Variants in LGR5 observed in about 807,000 individuals in gnomAD.
The protein encoded by LGR5 is leucine rich repeat containing G protein-coupled receptor 5.
LGR5 carries 54 observed loss-of-function variants against 76.7 expected under a neutral mutation model. The ratio of observed to expected loss-of-function variants is 0.70; its 90% CI spans 0.57 to 0.88. LGR5 has a LOEUF of 0.88. Ranked by LOEUF, LGR5 falls within the 40% of genes least tolerant of loss-of-function variation. The pLI is 0.00. For synonymous variants in LGR5, 406 were observed against 421.9 expected (o/e 0.96, Z 0.46); for missense variants, 1,078 against 1,073.3 (o/e 1.00, Z -0.06).
At chr12:71,505,461 C>T (rs1874806355) in intron 2 of LGR5, among the ~76,000 whole-genome samples, 2 of 152,162 alleles carry the variant, frequency 1.3e-5, no homozygotes, top group South Asian at 4.1e-4. Context: ...ACGTTTGGCA[C>T]CATCAGTTGA....
chr12:71,584,313 TTGCCCTG>T lies in LGR5; in HGVS notation c.2305_2311del (p.Ala769CysfsTer8). The T allele has an allele frequency of 4.3e-6, 7 of 1,614,200 alleles. No individual in the cohort carries two copies. The highest frequency in any genetic ancestry group is 5.9e-6 in the Non-Finnish European group (7 of 1,180,022). ...TGGGACTGCTCTATGGTAAAACACA[TTGCCCTG>T]TTGCTCTTCACCAACTGCATCCTAA... On this transcript the variant is annotated frameshift_variant, in exon 18 of 18. Transcript: ENST00000266674. LOFTEE classifies it high-confidence loss of function.
At chr12:71,578,019 A>C (rs1344185568) in intron 14 of LGR5, 23 bp downstream of exon 14, 3 of 1,541,968 alleles carry the variant, frequency 1.9e-6, no homozygotes, top group Non-Finnish European at 2.7e-6. Flanking sequence ...CAACTTGTTT[A>C]TGGTATGTCT....
chr12:71,500,194 T>G (rs80074251), intron 1 of LGR5, among the ~76,000 whole-genome samples: 5 of 152,010 alleles, frequency 3.3e-5, no homozygotes, highest in Non-Finnish European at 5.9e-5. Flanking sequence ...ACAAAAACAT[T>G]TTTAAGGGAA....
At chr12:71,519,528 G>T (rs1033494648) in intron 2 of LGR5, among the ~76,000 whole-genome samples, 1 of 152,016 alleles carries the variant, frequency 6.6e-6, no homozygotes, top group East Asian at 1.9e-4. Flanking sequence ...AGCCGGGCAC[G>T]GTGGCTCATG....
chr12:71,506,798 C>T (rs947157279), intron 2 of LGR5, among the ~76,000 whole-genome samples: 2 of 152,108 alleles, frequency 1.3e-5, no homozygotes, highest in Non-Finnish European at 2.9e-5. Context: ...CATTTAGCGG[C>T]AAAAGAAGTT....
chr12:71,582,320 A>T (rs1402307297), intron 16 of LGR5, 136 bp from the exon 17 acceptor site: 1 of 676,582 alleles, frequency 1.5e-6, no homozygotes, highest in East Asian at 2.6e-5. Context: ...ACTTTATAAT[A>T]ACTTGCAAGA....
At position 71,517,886 on chromosome 12, in the gene LGR5, C is replaced by T. The variant is rs1006750726; in HGVS notation, c.285-6520C>T. On this transcript the variant is annotated intron_variant, in intron 2 of 17. Transcript: ENST00000266674. ...ACATAATGTAACCATAAGTATAAAA[C>T]GTTGCTCCTCTTTGACTGCCTACAT... 9.2e-5 allele frequency among the ~76,000 whole-genome samples: 14 copies of T among 151,546 alleles called. No individual in the cohort carries two copies. The East Asian group carries it at 1.3e-3, about 15-fold the overall frequency.
chr12:71,510,826 G>A (rs1875116554), intron 2 of LGR5, among the ~76,000 whole-genome samples: 1 of 152,082 alleles, frequency 6.6e-6, no homozygotes, highest in African/African-American at 2.4e-5. Flanking sequence ...GGAGCCTGGA[G>A]CTGAGATACA....
intron 1 of LGR5, among the ~76,000 whole-genome samples, chr12:71,478,857 G>A (rs145057895): frequency 5.5e-4 from 84 of 152,258 alleles, no homozygotes; most frequent in Middle Eastern, 3.4e-3. Flanking sequence ...ACAAGAACTC[G>A]TTAATTATAT....
intron 1 of LGR5, among the ~76,000 whole-genome samples, chr12:71,463,994 T>C (rs1035353798): frequency 6.6e-6 from 1 of 152,120 alleles, no homozygotes; most frequent in Non-Finnish European, 1.5e-5. Flanking sequence ...GATAACTCTT[T>C]GAAGTGCTAA....
At chr12:71,462,977 G>C (rs1019660451) in intron 1 of LGR5, among the ~76,000 whole-genome samples, 1 of 152,126 alleles carries the variant, frequency 6.6e-6, no homozygotes, top group African/African-American at 2.4e-5. Context: ...AATATTAATT[G>C]TGTCGCTAAC....
intron 2 of LGR5, among the ~76,000 whole-genome samples, chr12:71,505,268 G>T (rs942907323): frequency 1.3e-5 from 2 of 152,142 alleles, no homozygotes; most frequent in Non-Finnish European, 2.9e-5. Context: ...AACTAAAAAA[G>T]GAGGAAGCTA....
intron 3 of LGR5, among the ~76,000 whole-genome samples, chr12:71,526,388 A>C (rs987711801): frequency 8.5e-5 from 13 of 152,136 alleles, no homozygotes; most frequent in African/African-American, 3.1e-4. Context: ...AAAAATGAGA[A>C]GCATAGATTA....
intron 17 of LGR5, among the ~76,000 whole-genome samples, chr12:71,582,740 G>A (rs1321311550): frequency 6.6e-6 from 1 of 152,116 alleles, no homozygotes; most frequent in African/African-American, 2.4e-5. Context: ...TGAGGTGGGA[G>A]GACTTTTGAT....
At chr12:71,478,132 C>T (rs1873422001) in intron 1 of LGR5, among the ~76,000 whole-genome samples, 1 of 152,092 alleles carries the variant, frequency 6.6e-6, no homozygotes, top group Non-Finnish European at 1.5e-5. Context: ...TATATGTAGT[C>T]AGACTTGTTC....
chr12:71,450,633 G>T (rs1872209294), intron 1 of LGR5, among the ~76,000 whole-genome samples: 1 of 152,070 alleles, frequency 6.6e-6, no homozygotes, highest in South Asian at 2.1e-4. Flanking sequence ...TTAAATATGT[G>T]ATTATTGTAA....
At chr12:71,521,359 G>T (rs1264164817) in intron 2 of LGR5, among the ~76,000 whole-genome samples, 1 of 152,174 alleles carries the variant, frequency 6.6e-6, no homozygotes, top group Non-Finnish European at 1.5e-5. Context: ...AGACTTCAGG[G>T]CTTTGGGACA....
chr12:71,452,427 G>A (rs1005620568), intron 1 of LGR5, among the ~76,000 whole-genome samples: 11 of 152,170 alleles, frequency 7.2e-5, no homozygotes, highest in African/African-American at 2.7e-4. Flanking sequence ...TAAACTCTAC[G>A]TAAAACTCAA....
Position 71,439,994 on chromosome 12 carries a change from G to T in LGR5, c.-87G>T, listed in dbSNP as rs1240025793. The T allele has an allele frequency of 7.6e-7, 1 of 1,318,490 alleles. No individual in the cohort carries two copies. The highest frequency in any genetic ancestry group is 1.2e-5 in the South Asian group (1 of 80,408). 81.7% of individuals were successfully genotyped at this position (1,318,490 alleles called of 1,614,324 possible). On this transcript the variant is annotated 5_prime_UTR_variant, in exon 1 of 18. Transcript: ENST00000266674. ...CGCCCGCTGAGTTGCAGAAGCCCAC[G>T]GAGCGGCGCCCGGCGCGCCACGGCC...
Sources: gnomAD v4.1 joint callset for allele counts (sites outside exome capture counted in the v4.1 genomes callset) on GRCh38, gnomAD v4.1.1 for gene constraint, MANE v1.5 for transcripts, NCBI Gene and HGNC (gene_info 2026-07-23, HGNC 2026-07-21) for gene names.